Variants in MALRD1 observed in about 807,000 individuals in gnomAD.
The protein encoded by MALRD1 is MAM and LDL receptor class A domain containing 1.
MALRD1 carries 247 observed loss-of-function variants against 242.1 expected under a neutral mutation model. The ratio of observed to expected loss-of-function variants is 1.02; its 90% confidence interval spans 0.92 to 1.13. The LOEUF (loss-of-function observed/expected upper bound fraction) is 1.13, where lower values mean the gene tolerates loss of function less well. MALRD1 is among the 50% of genes most tolerant of loss of function. The probability of loss-of-function intolerance (pLI) is 0.00; values close to 1 mark genes in which losing one functional copy is unlikely to be tolerated. For missense variants in MALRD1, 2,989 were observed against 2,533.1 expected (o/e 1.18, Z -3.86); for synonymous variants, 995 against 866.6 (o/e 1.15, Z -2.60).
chr10:19,697,192 A>T (rs143964026), intron 38 of MALRD1, among the ~76,000 whole-genome samples: 1 of 152,092 alleles, frequency 6.6e-6, no homozygotes, highest in African/African-American at 2.4e-5. Context: ...GTCTCATGCA[A>T]TTGTGGGGAC....
intron 28 of MALRD1, among the ~76,000 whole-genome samples, chr10:19,428,755 G>A (rs188230689): frequency 1.3e-5 from 2 of 152,230 alleles, no homozygotes; most frequent in African/African-American, 4.8e-5. Context: ...AATGTTTAAA[G>A]TTTACGTATA....
At chr10:19,482,668 C>CACACACACACACAT (rs1837048688) in intron 29 of MALRD1, among the ~76,000 whole-genome samples, 1 of 151,038 alleles carries the variant, frequency 6.6e-6, no homozygotes, top group East Asian at 1.9e-4. Context: ...CACACACACA[C>CACACACACACACAT]ACACACACAC....
At chr10:19,225,597 TTTTC>T (rs1253931312) in intron 18 of MALRD1, among the ~76,000 whole-genome samples, 3 of 152,142 alleles carry the variant, frequency 2.0e-5, no homozygotes, top group Non-Finnish European at 2.9e-5. Flanking sequence ...ATCAGTATCA[TTTTC>T]TTTCTAACTG....
intron 28 of MALRD1, among the ~76,000 whole-genome samples, chr10:19,429,488 CG>C (rs908035832): frequency 3.9e-5 from 6 of 152,020 alleles, no homozygotes; most frequent in African/African-American, 1.4e-4. Flanking sequence ...CACGTGAACC[CG>C]GGAGGTGGAG....
At chr10:19,609,882 T>C (rs1284377168) in intron 35 of MALRD1, among the ~76,000 whole-genome samples, 1 of 151,904 alleles carries the variant, frequency 6.6e-6, no homozygotes, top group East Asian at 1.9e-4. Flanking sequence ...GAAAGGTCAC[T>C]AAAAATGTAA....
At chr10:19,264,887 C>G (rs1010501081) in intron 19 of MALRD1, among the ~76,000 whole-genome samples, 2 of 152,090 alleles carry the variant, frequency 1.3e-5, no homozygotes, top group African/African-American at 4.8e-5. Flanking sequence ...CTGGACTTTT[C>G]TTTGGTGGGA....
At chr10:19,581,938 T>C (rs907064433) in intron 33 of MALRD1, among the ~76,000 whole-genome samples, 2 of 152,208 alleles carry the variant, frequency 1.3e-5, no homozygotes, top group African/African-American at 4.8e-5. Flanking sequence ...TGGTATCTCA[T>C]TGTGGTTTTG....
At chr10:19,065,935 G>A (rs373068179) in intron 1 of MALRD1, among the ~76,000 whole-genome samples, 1 of 152,078 alleles carries the variant, frequency 6.6e-6, no homozygotes, top group Non-Finnish European at 1.5e-5. Context: ...ATTCTGATAT[G>A]CCTGCATGGC....
intron 21 of MALRD1, among the ~76,000 whole-genome samples, chr10:19,286,426 C>T (rs1841122960): frequency 6.6e-6 from 1 of 151,678 alleles, no homozygotes; most frequent in African/African-American, 2.4e-5. Context: ...GAAATACGTC[C>T]CATCAATACC....
chr10:19,163,972 A>T (rs1834560351), intron 12 of MALRD1, among the ~76,000 whole-genome samples: 1 of 152,194 alleles, frequency 6.6e-6, no homozygotes, highest in African/African-American at 2.4e-5. Context: ...TCTCTTGTAC[A>T]ACTAGGTTTA....
At position 19,203,894 on chromosome 10, in the gene MALRD1, A is replaced by AGG. The variant is rs1446762796; in HGVS notation, c.2104+16_2104+17dup. On this transcript the variant is annotated intron_variant, in intron 15 of 39. Coordinates refer to ENST00000454679, the MANE Select transcript of MALRD1 (RefSeq NM_001142308.3). ...ACGCATCTCAAGGTAAGAAGCAAAC[A>AGG]GGGACTCTACAACCACTGCTATTTA... 23 of 1,550,324 alleles carry AGG rather than the reference A, an allele frequency of 1.5e-5. No homozygotes were observed. In the East Asian group the frequency reaches 4.9e-4, roughly 33 times the overall value.
At chr10:19,616,669 A>C (rs1839172305) in intron 36 of MALRD1, among the ~76,000 whole-genome samples, 1 of 152,024 alleles carries the variant, frequency 6.6e-6, no homozygotes, top group South Asian at 2.1e-4. Flanking sequence ...AAAACACACA[A>C]AGGTATCTGA....
At chr10:19,077,185 T>C (rs1421602667) in intron 2 of MALRD1, among the ~76,000 whole-genome samples, 1 of 151,978 alleles carries the variant, frequency 6.6e-6, no homozygotes. Context: ...ACATCATTTA[T>C]TTTCAGTGAC....
chr10:19,536,177 G>C (rs988637427), intron 32 of MALRD1, among the ~76,000 whole-genome samples: 1 of 152,002 alleles, frequency 6.6e-6, no homozygotes, highest in Admixed American at 6.6e-5. Context: ...TCAATGGAAG[G>C]TACCCACAAA....
At chr10:19,332,685 T>C (rs1843430181) in intron 24 of MALRD1, among the ~76,000 whole-genome samples, 2 of 152,210 alleles carry the variant, frequency 1.3e-5, no homozygotes, top group Admixed American at 6.5e-5. Context: ...AGAGCTTACA[T>C]ATATATAGAA....
intron 34 of MALRD1, among the ~76,000 whole-genome samples, chr10:19,605,776 G>A (rs1408543777): frequency 6.6e-6 from 1 of 151,874 alleles, no homozygotes; most frequent in Non-Finnish European, 1.5e-5. Context: ...TGACCTTATG[G>A]AATTTCTTTT....
At chr10:19,595,051 C>T in intron 33 of MALRD1, 143 bp from the exon 34 acceptor site, 1 of 767,210 alleles carries the variant, frequency 1.3e-6, no homozygotes, top group Non-Finnish European at 2.0e-6. Context: ...TTGTAGGCAT[C>T]ATATTAATCC....
At chr10:19,085,781 T>C (rs755086160) in intron 2 of MALRD1, among the ~76,000 whole-genome samples, 3 of 152,012 alleles carry the variant, frequency 2.0e-5, no homozygotes, top group Non-Finnish European at 4.4e-5. Context: ...TATCAAGCTT[T>C]TAAAAATATA....
At chr10:19,566,121 G>A (rs1031440425) in intron 32 of MALRD1, among the ~76,000 whole-genome samples, 65 of 151,390 alleles carry the variant, frequency 4.3e-4, no homozygotes, top group African/African-American at 1.5e-3. Flanking sequence ...AATAAATTTT[G>A]GATATATATT....
Sources: allele counts gnomAD v4.1 joint callset (sites outside exome capture counted in the v4.1 genomes callset), GRCh38; gene constraint gnomAD v4.1.1; transcripts MANE v1.5; gene names NCBI Gene and HGNC (gene_info 2026-07-23, HGNC 2026-07-21).